Variants in RAPGEF2 observed in about 807,000 individuals in gnomAD.
RAPGEF2 encodes the protein Rap guanine nucleotide exchange factor 2.
RAPGEF2 carries 54 observed loss-of-function variants against 186.7 expected under a neutral mutation model. That is an observed-to-expected ratio of 0.29 (90% CI 0.23 to 0.36). The LOEUF is 0.36. Among genes scored for constraint, RAPGEF2 ranks in the 10% least tolerant of loss-of-function variants. The pLI is 1.00. For synonymous variants in RAPGEF2, 712 were observed against 705.9 expected (o/e 1.01, Z -0.14); for missense variants, 1,532 against 2,045.0 (o/e 0.75, Z 4.84).
At chr4:159,201,643 T>A (rs994831828) in intron 3 of RAPGEF2, among the ~76,000 whole-genome samples, 4 of 152,160 alleles carry the variant, frequency 2.6e-5, no homozygotes, top group Admixed American at 6.5e-5. Context: ...CCCTGAACTG[T>A]AGCAAAGGGT....
intron 17 of RAPGEF2, among the ~76,000 whole-genome samples, chr4:159,337,490 C>CT (rs962006429): frequency 5.3e-5 from 8 of 151,946 alleles, no homozygotes; most frequent in Admixed American, 2.0e-4. Context: ...TTTTAATGTG[C>CT]TTTTTTTAAA....
At chr4:159,351,908 G>A (rs888987568) in intron 26 of RAPGEF2, among the ~76,000 whole-genome samples, 24 of 152,122 alleles carry the variant, frequency 1.6e-4, no homozygotes, top group African/African-American at 3.9e-4. Flanking sequence ...CCAAGATCCC[G>A]CCACTGCACT....
chr4:159,301,894 A>G (rs538064280), intron 7 of RAPGEF2, among the ~76,000 whole-genome samples: 11 of 152,256 alleles, frequency 7.2e-5, no homozygotes, highest in African/African-American at 9.6e-5. Flanking sequence ...TGTATTTTCT[A>G]TTGTTTGTAA....
chr4:159,230,474 T>G (rs1341122218), intron 4 of RAPGEF2, among the ~76,000 whole-genome samples: 1 of 152,206 alleles, frequency 6.6e-6, no homozygotes, highest in Non-Finnish European at 1.5e-5. Context: ...AAAGGTAAGC[T>G]ATATATCTTT....
In RAPGEF2 at chr4:159,318,448, A is replaced by T. The variant is rs549253449; in HGVS notation, c.853+3680A>T. Among the ~76,000 whole-genome samples the T allele has an allele frequency of 2.1e-4, 32 of 152,348 alleles. No individual in the cohort carries two copies. The South Asian group carries it at 5.2e-3, about 25-fold the overall frequency. ...TGCAAAAAAGGGACAGATTATGTCC[A>T]CGTGCATGCATGTGAGTGTGTGCAT... On this transcript the variant is annotated intron_variant, in intron 9 of 29. Transcript: ENST00000691494.
chr4:159,195,144 A>G (rs970990302), intron 3 of RAPGEF2, among the ~76,000 whole-genome samples: 5 of 152,232 alleles, frequency 3.3e-5, no homozygotes, highest in Admixed American at 3.3e-4. Flanking sequence ...CACCAAATAT[A>G]GAGTCGTAAA....
chr4:159,191,896 A>T (rs1011213008), intron 2 of RAPGEF2, among the ~76,000 whole-genome samples: 4 of 152,158 alleles, frequency 2.6e-5, no homozygotes, highest in Non-Finnish European at 5.9e-5. Flanking sequence ...TATGTTACAT[A>T]TTAGAGGACG....
At position 159,186,042 on chromosome 4, in the gene RAPGEF2, T is replaced by G. The variant is rs187209746; in HGVS notation, c.70-600T>G. ...TATAAACAGGACTTTGAATTTTTAC[T>G]TCTTCTGAACTTTCATAAATAACTT... On this transcript the variant is annotated intron_variant, in intron 1 of 29. Coordinates refer to ENST00000691494, the MANE Select transcript of RAPGEF2 (RefSeq NM_001394067.2). Among the ~76,000 whole-genome samples the G allele has an allele frequency of 1.3e-4, 20 of 152,206 alleles. No homozygotes were observed. The East Asian group carries it at 3.7e-3, about 28-fold the overall frequency.
intron 8 of RAPGEF2, among the ~76,000 whole-genome samples, chr4:159,313,395 A>T (rs1198748524): frequency 6.6e-6 from 1 of 152,202 alleles, no homozygotes; most frequent in Admixed American, 6.5e-5. Context: ...TAAGAGAATA[A>T]TAAAAGTTAA....
At chr4:159,357,437 G>A (rs932139342) in intron 29 of RAPGEF2, among the ~76,000 whole-genome samples, 3 of 152,198 alleles carry the variant, frequency 2.0e-5, no homozygotes, top group African/African-American at 7.2e-5. Flanking sequence ...CTCTTTGTGC[G>A]TTCTTTCTAC....
In RAPGEF2 at chr4:159,155,236, G is replaced by A. The variant is rs185900583; in HGVS notation, c.70-31406G>A. On this transcript the variant is annotated intron_variant, in intron 1 of 29. Transcript: ENST00000691494. ...TTGAATTTTGAAAGGATACGTAGGT[G>A]AGAAAAAGTTGGCAAACACAGCATT... 2.7e-3 allele frequency among the ~76,000 whole-genome samples: 405 copies of A among 152,262 alleles called. 4 individuals are homozygous for A. Among genetic ancestry groups the A allele is most frequent in the African/African-American group, 9.4e-3 (389 of 41,564 alleles).
chr4:159,330,287 G>GTGTGTGTGTGTATA, intron 12 of RAPGEF2, 47 bp from the exon 13 acceptor site: 1 of 924,228 alleles, frequency 1.1e-6, no homozygotes, highest in Non-Finnish European at 1.7e-6. Flanking sequence ...GTGTGTGTGT[G>GTGTGTGTGTGTATA]TGTGTGTGTA....
intron 7 of RAPGEF2, among the ~76,000 whole-genome samples, chr4:159,281,961 G>A (rs1759780031): frequency 6.6e-6 from 1 of 152,080 alleles, no homozygotes; most frequent in Non-Finnish European, 1.5e-5. Flanking sequence ...TTCCTATGTG[G>A]GTTGGAACCC....
chr4:159,351,230 C>T, intron 26 of RAPGEF2: 2 of 1,479,314 alleles, frequency 1.4e-6, no homozygotes, highest in Non-Finnish European at 1.8e-6. Flanking sequence ...GGAATCATCT[C>T]ATTAGTTAAT....
chr4:159,136,208 A>T (rs1359594138), intron 1 of RAPGEF2, among the ~76,000 whole-genome samples: 1 of 152,218 alleles, frequency 6.6e-6, no homozygotes, highest in Non-Finnish European at 1.5e-5. Context: ...TGTTATGGAT[A>T]CAAGTTACTT....
At chr4:159,151,066 CG>C (rs1267621800) in intron 1 of RAPGEF2, among the ~76,000 whole-genome samples, 1 of 152,184 alleles carries the variant, frequency 6.6e-6, no homozygotes, top group African/African-American at 2.4e-5. Flanking sequence ...TTGGACAAAT[CG>C]GAGACTTATA....
intron 3 of RAPGEF2, among the ~76,000 whole-genome samples, chr4:159,194,200 G>T (rs1306526922): frequency 6.6e-6 from 1 of 152,148 alleles, no homozygotes; most frequent in African/African-American, 2.4e-5. Flanking sequence ...AGGTGACGGG[G>T]CCTGGCCTGA....
chr4:159,243,113 G>C (rs912287191), intron 6 of RAPGEF2, among the ~76,000 whole-genome samples: 1 of 144,656 alleles, frequency 6.9e-6, no homozygotes, highest in South Asian at 2.2e-4. Flanking sequence ...ATTGTTACAA[G>C]TTTTTTTTTT....
At chr4:159,202,311 A>G (rs893590317) in intron 3 of RAPGEF2, among the ~76,000 whole-genome samples, 2 of 151,888 alleles carry the variant, frequency 1.3e-5, no homozygotes, top group Non-Finnish European at 2.9e-5. Context: ...TACCCCATAC[A>G]CCCTCCTTGT....
Sources: gnomAD v4.1 joint callset for allele counts (sites outside exome capture counted in the v4.1 genomes callset) on GRCh38, gnomAD v4.1.1 for gene constraint, MANE v1.5 for transcripts, NCBI Gene and HGNC (gene_info 2026-07-23, HGNC 2026-07-21) for gene names.